Variants in KPNA1 observed in about 807,000 individuals in gnomAD.
KPNA1 encodes karyopherin subunit alpha 1.
Under a neutral mutation model 70.5 loss-of-function variants are expected in KPNA1, and 10 were observed. The observed-to-expected ratio is 0.14, with a 90% confidence interval of 0.09 to 0.24. The LOEUF (loss-of-function observed/expected upper bound fraction) is 0.24. KPNA1 is among the 10% of genes least tolerant of loss of function. The pLI, the probability that KPNA1 is intolerant of heterozygous loss-of-function variation, is 1.00. For synonymous variants in KPNA1, 192 were observed against 221.9 expected (o/e 0.87, Z 1.20); for missense variants, 397 against 637.9 (o/e 0.62, Z 4.07).
intron 9 of KPNA1, 129 bp from the exon 10 acceptor site, chr3:122,442,245 T>C (rs559879537): frequency 2.5e-4 from 168 of 666,702 alleles, no homozygotes; most frequent in Non-Finnish European, 3.3e-4. Flanking sequence ...ATGGGGCTAA[T>C]TAAGGGAACG....
rs1251951563 is a variant in KPNA1, at chr3:122,422,910, C to CT, written c.*4074dup. 6.6e-6 allele frequency: 1 copy of CT among 152,204 alleles called. No individual in the cohort carries two copies. Among genetic ancestry groups the CT allele is most frequent in the Non-Finnish European group, 1.5e-5 (1 of 68,026 alleles). 9.4% of individuals were successfully genotyped at this position (152,204 alleles called of 1,614,324 possible). On this transcript the variant is annotated 3_prime_UTR_variant, in exon 14 of 14. Coordinates refer to ENST00000344337, the MANE Select transcript of KPNA1 (RefSeq NM_002264.4). ...GAAAACAGAACGGAACACTTCTTTT[C>CT]TTTCTTCTTACCCCAAGCTTCCAGA... is the stretch of plus-strand genomic sequence containing the variant.
intron 2 of KPNA1, among the ~76,000 whole-genome samples, chr3:122,491,370 A>G (rs2076696020): frequency 6.6e-6 from 1 of 152,158 alleles, no homozygotes; most frequent in African/African-American, 2.4e-5. Context: ...AGTATTCAAA[A>G]CTGCTAGAAA....
intron 1 of KPNA1, among the ~76,000 whole-genome samples, chr3:122,501,159 G>C (rs1027117584): frequency 1.3e-5 from 2 of 151,012 alleles, no homozygotes; most frequent in African/African-American, 4.9e-5. Context: ...CTTCCAAGTA[G>C]CTAGGGTTAC....
chr3:122,509,226 T>C (rs2076926887), intron 1 of KPNA1, among the ~76,000 whole-genome samples: 2 of 148,782 alleles, frequency 1.3e-5, no homozygotes, highest in Admixed American at 1.3e-4. Flanking sequence ...CTTGGGCAAC[T>C]GAACAAGACT....
At chr3:122,514,465 AGCCCCGCCGCCGC>A (rs1312908692) in intron 1 of KPNA1, 3 of 145,366 alleles carry the variant, frequency 2.1e-5, no homozygotes, top group African/African-American at 2.6e-5. Context: ...CGCCGCTTAC[AGCCCCGCCGCCGC>A]GCCACGCCGC....
intron 6 of KPNA1, 111 bp from the exon 7 acceptor site, chr3:122,452,175 T>C (rs564116613): frequency 2.2e-5 from 17 of 767,946 alleles, no homozygotes; most frequent in Admixed American, 1.7e-4. Context: ...AATGAAACAG[T>C]TGTAGGATTG....
At chr3:122,468,113 T>C (rs1397993146) in intron 2 of KPNA1, among the ~76,000 whole-genome samples, 1 of 152,050 alleles carries the variant, frequency 6.6e-6, no homozygotes, top group Non-Finnish European at 1.5e-5. Flanking sequence ...ACAAAATACA[T>C]AAAATAATGT....
chr3:122,513,414 C>T (rs918437256), intron 1 of KPNA1, among the ~76,000 whole-genome samples: 4 of 152,202 alleles, frequency 2.6e-5, no homozygotes, highest in African/African-American at 4.8e-5. Context: ...TTCTTACTTT[C>T]CTTTGAAAAA....
In KPNA1 at chr3:122,423,936, G is replaced by A. The variant is rs1053894851; in HGVS notation, c.*3049C>T. On this transcript the variant is annotated 3_prime_UTR_variant, in exon 14 of 14. Transcript: ENST00000344337. ...AAAGATAAGCGTTTAAAAGGGTCTT[G>A]ATCAATTAGTTACAGGAACATGAAA... 1 of 152,144 alleles carries A rather than the reference G, an allele frequency of 6.6e-6. No homozygotes were observed. The highest frequency in any genetic ancestry group is 2.4e-5 in the African/African-American group (1 of 41,430). The allele number at this position is 152,144 out of a possible 1,614,324, so 9.4% of individuals were successfully genotyped here.
intron 3 of KPNA1, among the ~76,000 whole-genome samples, chr3:122,466,283 T>C (rs2076379473): frequency 6.6e-6 from 1 of 152,100 alleles, no homozygotes; most frequent in Non-Finnish European, 1.5e-5. Context: ...CATTTTAATA[T>C]ACAAAAGTTC....
At chr3:122,445,744 A>T (rs1009892832) in intron 9 of KPNA1, among the ~76,000 whole-genome samples, 7 of 152,236 alleles carry the variant, frequency 4.6e-5, no homozygotes, top group Non-Finnish European at 1.0e-4. Flanking sequence ...TAAAGAGTCA[A>T]GACCCATCAG....
intron 9 of KPNA1, among the ~76,000 whole-genome samples, chr3:122,446,951 C>T (rs1445957645): frequency 6.6e-6 from 1 of 152,044 alleles, no homozygotes; most frequent in African/African-American, 2.4e-5. Context: ...ACACATACAC[C>T]CTCCCAAGAC....
chr3:122,428,450 G>A (rs1398745520), intron 12 of KPNA1, among the ~76,000 whole-genome samples: 2 of 152,062 alleles, frequency 1.3e-5, no homozygotes. Context: ...GCTTTTTTGT[G>A]TGGGGGAGGA....
At chr3:122,489,075 T>A (rs2076665606) in intron 2 of KPNA1, among the ~76,000 whole-genome samples, 1 of 148,864 alleles carries the variant, frequency 6.7e-6, no homozygotes. Flanking sequence ...TGTGTGTGTG[T>A]GTGTGTGTGT....
chr3:122,478,481 C>T (rs2076531022), intron 2 of KPNA1, among the ~76,000 whole-genome samples: 1 of 140,638 alleles, frequency 7.1e-6, no homozygotes, highest in African/African-American at 2.6e-5. Flanking sequence ...TTAATCGCAG[C>T]ACTTGGGGAG....
intron 6 of KPNA1, 56 bp from the exon 7 acceptor site, chr3:122,452,120 T>C: frequency 9.0e-7 from 1 of 1,116,436 alleles, no homozygotes; most frequent in South Asian, 1.3e-5. Context: ...CTCATAATTC[T>C]TTCAGATGCC....
At position 122,442,489 on chromosome 3, in the gene KPNA1, G is replaced by C. The variant is rs543701531; in HGVS notation, c.918-373C>G. ...ATTAACATTTACGCAACATTTTTAAGTTTTATAAATTGTCTTAATTTTCAG... is the reference window on the plus strand; with the variant it reads ...ATTAACATTTACGCAACATTTTTAACTTTTATAAATTGTCTTAATTTTCAG... On this transcript the variant is annotated intron_variant, in intron 9 of 13. Coordinates refer to ENST00000344337, the MANE Select transcript of KPNA1 (RefSeq NM_002264.4). 2.6e-5 allele frequency among the ~76,000 whole-genome samples: 4 copies of C among 152,216 alleles called. No homozygotes were observed. The South Asian group carries it at 8.3e-4, about 32-fold the overall frequency.
intron 2 of KPNA1, among the ~76,000 whole-genome samples, chr3:122,471,313 T>C (rs2076439663): frequency 6.6e-6 from 1 of 152,372 alleles, no homozygotes; most frequent in South Asian, 2.1e-4. Context: ...AAATGCAAAC[T>C]GTTTTGCTTA....
At position 122,449,619 on chromosome 3, in the gene KPNA1, G is replaced by A. The variant is rs759538799; in HGVS notation, c.872C>T (p.Ala291Val). The change falls in exon 9 of 14, where the codon GCG (alanine) becomes GTG (valine). Residue 291 changes from alanine to valine, a missense_variant. Coordinates refer to ENST00000344337, the MANE Select transcript of KPNA1 (RefSeq NM_002264.4). Reference protein sequence around the residue: ...LSDGPNDKIQAVIDAGVCRRL... With the variant: ...LSDGPNDKIQVVIDAGVCRRL... ...CCTACATACTCCCGCATCGATGACC[G>A]CTTGAATTTTATCATTGGGTCCATC... 32 of 1,613,584 alleles carry A rather than the reference G, an allele frequency of 2.0e-5. No homozygotes were observed. The highest frequency in any genetic ancestry group is 9.9e-5 in the South Asian group (9 of 91,024).
Sources: gnomAD v4.1 joint callset for allele counts (sites outside exome capture counted in the v4.1 genomes callset) on GRCh38, gnomAD v4.1.1 for gene constraint, MANE v1.5 for transcripts, NCBI Gene and HGNC (gene_info 2026-07-23, HGNC 2026-07-21) for gene names.